The following DNAI4 variants were observed in gnomAD, a reference collection of about 807,000 sequenced individuals.
DNAI4 encodes the protein WD repeat domain 78.
DNAI4 carries 85 observed loss-of-function variants against 105.8 expected under a neutral mutation model. The observed-to-expected ratio is 0.80, with a 90% CI of 0.67 to 0.96. The LOEUF (loss-of-function observed/expected upper bound fraction) is 0.96, where lower values mean the gene tolerates loss of function less well. DNAI4 is among the 40% of genes least tolerant of loss of function. DNAI4 has a pLI of 0.00. For synonymous variants in DNAI4, 352 were observed against 331.5 expected (o/e 1.06, Z -0.67); for missense variants, 1,014 against 1,005.6 (o/e 1.01, Z -0.11).
intron 12 of DNAI4, 70 bp from the exon 13 acceptor site, chr1:66,833,776 G>A: frequency 6.5e-7 from 1 of 1,541,396 alleles, no homozygotes; most frequent in Non-Finnish European, 8.8e-7. Flanking sequence ...TATCATGTGT[G>A]TTTCTCCTGC....
At chr1:66,864,463 G>C (rs1646689689) in intron 6 of DNAI4, among the ~76,000 whole-genome samples, 1 of 152,178 alleles carries the variant, frequency 6.6e-6, no homozygotes, top group African/African-American at 2.4e-5. Context: ...AAGAAACGCA[G>C]GTGTCAACAG....
At chr1:66,888,433 G>A (rs979372747) in intron 4 of DNAI4, among the ~76,000 whole-genome samples, 2 of 152,244 alleles carry the variant, frequency 1.3e-5, no homozygotes, top group African/African-American at 2.4e-5. Context: ...GGTGGCTCAC[G>A]CCTGTAATCC....
At chr1:66,833,122 A>G (rs1464195356) in intron 13 of DNAI4, among the ~76,000 whole-genome samples, 1 of 152,196 alleles carries the variant, frequency 6.6e-6, no homozygotes, top group Non-Finnish European at 1.5e-5. Context: ...CTGCAAAAGC[A>G]GATAAAGATC....
intron 8 of DNAI4, 83 bp downstream of exon 8, chr1:66,847,401 C>T (rs1231220395): frequency 7.3e-7 from 1 of 1,363,400 alleles, no homozygotes; most frequent in Non-Finnish European, 1.0e-6. Context: ...CCAAGCAATC[C>T]TCTTCCTCAG....
rs148610457 is a variant in DNAI4 at position 66,860,547 on chromosome 1, CT to C, written c.1096+1599del. On this transcript the variant is annotated intron_variant, in intron 7 of 16. Transcript: ENST00000371026. ...TCCTAGTTCTAGTTTCCCCTACTCC[CT>C]TGACTGGCTATAATAGTAAAATAAA... Among the ~76,000 whole-genome samples, 1,346 of 152,016 alleles carry C rather than the reference CT, an allele frequency of 8.9e-3. 7 individuals carry two copies. The highest frequency in any genetic ancestry group is 0.031 in the African/African-American group (1,272 of 41,488).
rs1414580276 is a variant in DNAI4, at chr1:66,893,269, G to A, written c.490C>T (p.Gln164Ter). 1 of 1,605,680 alleles carries A rather than the reference G, an allele frequency of 6.2e-7. No individual in the cohort carries two copies. Among genetic ancestry groups the A allele is most frequent in the Non-Finnish European group, 8.5e-7 (1 of 1,175,924 alleles). Residue 164 changes from glutamine (Q) to a stop codon, truncating the protein, a stop_gained, in exon 3 of 17, where the codon CAG becomes TAG. Transcript: ENST00000371026. LOFTEE classifies it high-confidence loss of function. ...SEFISSYSLY[Q>*]NTINPSTLGQ... The stretch of plus-strand genomic sequence containing the variant: ...AACGTACTAGGATTTATTGTATTCT[G>A]ATAAAGGCTATAGGAAGATATAAAT...
At chr1:66,833,951 A>G in intron 12 of DNAI4, 40 bp downstream of exon 12, 2 of 1,551,064 alleles carry the variant, frequency 1.3e-6, no homozygotes, top group African/African-American at 1.4e-5. Context: ...ATTTTAATTC[A>G]GCACGTAACA....
At chr1:66,877,002 T>A (rs1223809845) in intron 4 of DNAI4, among the ~76,000 whole-genome samples, 5 of 152,174 alleles carry the variant, frequency 3.3e-5, no homozygotes, top group Admixed American at 3.3e-4. Flanking sequence ...CAGGGGACTT[T>A]TATCCATAAT....
intron 10 of DNAI4, among the ~76,000 whole-genome samples, chr1:66,836,614 T>A (rs1208336177): frequency 6.6e-6 from 1 of 152,238 alleles, no homozygotes; most frequent in Non-Finnish European, 1.5e-5. Context: ...ATTTAAATCC[T>A]TTCCTGCTTT....
chr1:66,850,241 A>G (rs767395646), intron 7 of DNAI4, among the ~76,000 whole-genome samples: 2 of 151,910 alleles, frequency 1.3e-5, no homozygotes, highest in African/African-American at 2.4e-5. Context: ...CTCATTAGAA[A>G]CCCTAGAGGC....
At chr1:66,866,911 G>A (rs1646745932) in intron 6 of DNAI4, among the ~76,000 whole-genome samples, 1 of 152,180 alleles carries the variant, frequency 6.6e-6, no homozygotes, top group African/African-American at 2.4e-5. Context: ...ACATGGCAAG[G>A]GAGGCTTCAC....
Position 66,874,801 on chromosome 1 carries a change from A to G in DNAI4, c.780T>C (p.Ser260=), listed in dbSNP as rs1389643704. 2 of 1,607,836 alleles carry G rather than the reference A, an allele frequency of 1.2e-6. No individual in the cohort carries two copies. Among genetic ancestry groups the G allele is most frequent in the African/African-American group, 2.7e-5 (2 of 74,404 alleles). ...CATACGTTACTTTCTCAGCTTCTTC[A>G]GATTCTACAGAGACCATGACTGTGG... ...DLPTVMVSVE[S]EEAEKVTQRN... Residue 260 remains serine (S), a synonymous_variant, in exon 5 of 17, where the codon TCT becomes TCC. Transcript: ENST00000371026.
Position 66,924,732 on chromosome 1 carries a change from T to C in DNAI4, c.100A>G (p.Thr34Ala). Residue 34 changes from threonine (T) to alanine (A), a missense_variant, in exon 1 of 17, where the codon ACC (threonine) becomes GCC (alanine). Coordinates refer to ENST00000371026, the MANE Select transcript of DNAI4 (RefSeq NM_024763.5). The stretch of plus-strand genomic sequence containing the variant: ...ATGGTGGCGACCAGCTGGGGAGTGG[T>C]GCACCACCCCTTTTTTTGGCCGCCT... ...FRGGQKKGWC[T>A]TPQLVATMPV... is the part of the protein sequence containing the mutation. 2 of 1,614,094 alleles carry C rather than the reference T, an allele frequency of 1.2e-6. No homozygotes were observed. The highest frequency in any genetic ancestry group is 1.7e-6 in the Non-Finnish European group (2 of 1,180,010).
At chr1:66,836,170 A>T (rs1645987280) in intron 10 of DNAI4, among the ~76,000 whole-genome samples, 1 of 54,132 alleles carries the variant, frequency 1.8e-5, no homozygotes, top group African/African-American at 6.4e-5. Flanking sequence ...GAAAGAAAGA[A>T]AGAAAGAAAG....
chr1:66,847,834 A>T (rs931965033), intron 7 of DNAI4, 156 bp from the exon 8 acceptor site: 4 of 608,022 alleles, frequency 6.6e-6, no homozygotes, highest in Admixed American at 3.4e-5. Flanking sequence ...CGTACCAAGC[A>T]CATGAAAGAT....
chr1:66,825,311 C>T (rs1320477467), intron 15 of DNAI4, among the ~76,000 whole-genome samples: 1 of 151,250 alleles, frequency 6.6e-6, no homozygotes, highest in African/African-American at 2.4e-5. Flanking sequence ...TCCCGAGTAG[C>T]TGGGACTACA....
chr1:66,840,096 T>G (rs1380870094), intron 9 of DNAI4, among the ~76,000 whole-genome samples: 1 of 152,208 alleles, frequency 6.6e-6, no homozygotes, highest in African/African-American at 2.4e-5. Context: ...TATGACTACT[T>G]TGAAGCTAAT....
intron 7 of DNAI4, among the ~76,000 whole-genome samples, chr1:66,848,597 C>T (rs540252255): frequency 1.3e-5 from 2 of 152,320 alleles, no homozygotes; most frequent in African/African-American, 4.8e-5. Flanking sequence ...ACACTTTTCC[C>T]TATTCTTCCT....
chr1:66,858,195 A>G (rs748281947), intron 7 of DNAI4, among the ~76,000 whole-genome samples: 3 of 152,082 alleles, frequency 2.0e-5, no homozygotes, highest in Non-Finnish European at 4.4e-5. Context: ...TGAAGACATT[A>G]TAAGAAAGGA....
Sources: gnomAD v4.1 joint callset for allele counts (sites outside exome capture counted in the v4.1 genomes callset) on GRCh38, gnomAD v4.1.1 for gene constraint, MANE v1.5 for transcripts, NCBI Gene and HGNC (gene_info 2026-07-23, HGNC 2026-07-21) for gene names.